Variants in MIER1 observed in about 807,000 individuals in gnomAD.
The protein encoded by MIER1 is mesoderm induction early response protein 1.
Under a neutral mutation model 75.7 loss-of-function variants are expected in MIER1, and 40 were observed. That is an observed-to-expected ratio of 0.53 (90% CI 0.41 to 0.69). The LOEUF is 0.69. MIER1 is among the 30% of genes least tolerant of loss of function. The pLI is 0.00. For missense variants in MIER1, 574 were observed against 680.2 expected (o/e 0.84, Z 1.74); for synonymous variants, 213 against 223.4 (o/e 0.95, Z 0.42).
chr1:66,930,795 T>C (rs183972623), intron 2 of MIER1, among the ~76,000 whole-genome samples: 2 of 152,262 alleles, frequency 1.3e-5, no homozygotes, highest in African/African-American at 2.4e-5. Flanking sequence ...GTTGCGCCCT[T>C]CCGCGTCACC....
Position 66,941,916 on chromosome 1 carries a change from C to T in MIER1, c.193+1864C>T, listed in dbSNP as rs534350437. Among the ~76,000 whole-genome samples the T allele has an allele frequency of 2.7e-5, 4 of 146,886 alleles. No homozygotes were observed. In the East Asian group the frequency reaches 8.1e-4, roughly 30 times the overall value. The stretch of plus-strand genomic sequence containing the variant: ...CCTGGGAGGTGAAGGTTGCAGTGAG[C>T]TGAGATCATGCCACTGCACTCCAGC... On this transcript the variant is annotated intron_variant, in intron 3 of 13. Transcript: ENST00000401041.
Position 66,986,151 on chromosome 1 carries a change from C to G in MIER1, c.*1251C>G. The G allele has an allele frequency of 8.5e-7, 1 of 1,174,512 alleles. No homozygotes were observed. Among genetic ancestry groups the G allele is most frequent in the South Asian group, 3.2e-5 (1 of 31,524 alleles). 72.8% of individuals were successfully genotyped at this position (1,174,512 alleles called of 1,614,324 possible). On this transcript the variant is annotated 3_prime_UTR_variant, in exon 14 of 14. Transcript: ENST00000401041. The stretch of plus-strand genomic sequence containing the variant: ...ATGAAGAGAAAGTGAAGTTTGAAAA[C>G]TTTTCAAACTTTTCTAGTTACAATC...
At position 66,985,016 on chromosome 1, in the gene MIER1, A is replaced by G; in HGVS notation, c.*116A>G. Reference sequence around the variant, plus strand: ...TGAAGCAGTTTGAAAATTTGAATTGAGTCTTAACTTTAGGAAATGAGGTTT... The same window carrying G: ...TGAAGCAGTTTGAAAATTTGAATTGGGTCTTAACTTTAGGAAATGAGGTTT... On this transcript the variant is annotated 3_prime_UTR_variant, in exon 14 of 14. Coordinates refer to ENST00000401041, the MANE Select transcript of MIER1 (RefSeq NM_001077700.3). The G allele has an allele frequency of 7.1e-7, 1 of 1,408,800 alleles. No individual in the cohort carries two copies. Among genetic ancestry groups the G allele is most frequent in the Non-Finnish European group, 9.2e-7 (1 of 1,081,440 alleles). The allele number at this position is 1,408,800 out of a possible 1,614,324, so 87.3% of individuals were successfully genotyped here. A position where few individuals can be genotyped will look rare whatever the true frequency, so the allele number is the denominator to read the frequency against.
At position 66,972,846 on chromosome 1, in the gene MIER1, G is replaced by T. The variant is rs1217957059; in HGVS notation, c.1007-51G>T. 3.3e-6 allele frequency: 3 copies of T among 912,280 alleles called. No homozygotes were observed. In the South Asian group the frequency reaches 4.4e-5, roughly 13 times the overall value. 56.5% of individuals were successfully genotyped at this position (912,280 alleles called of 1,614,324 possible). On this transcript the variant is annotated intron_variant, in intron 10 of 13. Coordinates refer to ENST00000401041, the MANE Select transcript of MIER1 (RefSeq NM_001077700.3). ...GTTTTCATTTGTAATTTTGTTATATGCAATAATTGGGGGAATATTGCTTAA... is the reference window on the plus strand; with the variant it reads ...GTTTTCATTTGTAATTTTGTTATATTCAATAATTGGGGGAATATTGCTTAA...
intron 3 of MIER1, among the ~76,000 whole-genome samples, chr1:66,943,448 T>C (rs1326094924): frequency 3.3e-5 from 5 of 152,214 alleles, no homozygotes; most frequent in African/African-American, 1.2e-4. Context: ...TATAATCTGG[T>C]ATAAGGTATC....
rs2102173074 is a variant in MIER1 at position 66,987,018 on chromosome 1, T to TA, written c.*2119dup. The TA allele has an allele frequency of 1.3e-5, 2 of 152,486 alleles. No individual in the cohort carries two copies. Among genetic ancestry groups the TA allele is most frequent in the Admixed American group, 1.3e-4 (2 of 15,300 alleles). 9.4% of individuals were successfully genotyped at this position (152,486 alleles called of 1,614,324 possible). On this transcript the variant is annotated 3_prime_UTR_variant, in exon 14 of 14. Coordinates refer to ENST00000401041, the MANE Select transcript of MIER1 (RefSeq NM_001077700.3). ...GGTTTGTGAAGTTCTTGCAAACTCT[T>TA]ACTACAGAAATGTTTTAAATACATT... is the stretch of plus-strand genomic sequence containing the variant.
chr1:66,982,382 G>T (rs1570552306), intron 13 of MIER1, among the ~76,000 whole-genome samples: 1 of 152,092 alleles, frequency 6.6e-6, no homozygotes. Context: ...GATAAAGCCG[G>T]TATCAACCTG....
At chr1:66,974,733 TTACTC>T (rs1388879352) in intron 11 of MIER1, among the ~76,000 whole-genome samples, 3 of 152,130 alleles carry the variant, frequency 2.0e-5, no homozygotes, top group East Asian at 1.9e-4. Flanking sequence ...ATACACTAAA[TTACTC>T]TAGTGCACAA....
intron 2 of MIER1, among the ~76,000 whole-genome samples, chr1:66,932,444 T>G (rs916172291): frequency 6.6e-6 from 1 of 152,180 alleles, no homozygotes; most frequent in Non-Finnish European, 1.5e-5. Context: ...AGAGGAACTT[T>G]CGTGATCTGT....
chr1:66,953,993 C>T (rs1659572157), intron 4 of MIER1, among the ~76,000 whole-genome samples: 1 of 152,038 alleles, frequency 6.6e-6, no homozygotes, highest in African/African-American at 2.4e-5. Context: ...TAAAAATAAA[C>T]TATTAGAAGG....
chr1:66,962,440 G>C (rs1030202003), intron 7 of MIER1, among the ~76,000 whole-genome samples: 1 of 152,152 alleles, frequency 6.6e-6, no homozygotes, highest in African/African-American at 2.4e-5. Flanking sequence ...ATCACCTAGA[G>C]AGCTTGTTAA....
intron 12 of MIER1, among the ~76,000 whole-genome samples, chr1:66,977,938 C>T (rs914472064): frequency 1.3e-5 from 2 of 152,068 alleles, no homozygotes; most frequent in Non-Finnish European, 2.9e-5. Flanking sequence ...GTGGCTCACT[C>T]CTGTAATCCC....
chr1:66,969,956 C>T (rs1182917406), intron 8 of MIER1, among the ~76,000 whole-genome samples: 1 of 152,162 alleles, frequency 6.6e-6, no homozygotes, highest in Non-Finnish European at 1.5e-5. Context: ...TTTTCATCCT[C>T]ATCACTCAAC....
At chr1:66,955,540 C>T (rs1397173385) in intron 4 of MIER1, among the ~76,000 whole-genome samples, 2 of 151,366 alleles carry the variant, frequency 1.3e-5, no homozygotes, top group Admixed American at 6.6e-5. Context: ...TTGGAGTGAA[C>T]GAAGTACCAT....
intron 11 of MIER1, among the ~76,000 whole-genome samples, chr1:66,975,224 T>G (rs1664460569): frequency 6.6e-6 from 1 of 152,158 alleles, no homozygotes. Context: ...AGACACTGGA[T>G]TTCCTTTTAA....
rs578118621 is a variant in MIER1, at chr1:66,971,586, CTT to C, written c.925-66_925-65del. On this transcript the variant is annotated intron_variant, in intron 9 of 13. Transcript: ENST00000401041. Reference sequence around the variant, plus strand: ...ATGAAAACACTGGATGTTTGAAAAACTTTTAAGAAATTGTAGCATTGAACTGT... The same window carrying C: ...ATGAAAACACTGGATGTTTGAAAAACTTAAGAAATTGTAGCATTGAACTGT... 5.3e-4 allele frequency: 422 copies of C among 801,600 alleles called. 3 individuals carry two copies. In the East Asian group the frequency reaches 0.011, roughly 22 times the overall value. 49.7% of individuals were successfully genotyped at this position (801,600 alleles called of 1,614,324 possible).
At chr1:66,949,865 G>A (rs1307943555) in intron 4 of MIER1, among the ~76,000 whole-genome samples, 1 of 152,134 alleles carries the variant, frequency 6.6e-6, no homozygotes, top group Non-Finnish European at 1.5e-5. Flanking sequence ...ATTCATTCAG[G>A]AAATATCAAT....
chr1:66,945,295 AT>A lies in MIER1; in HGVS notation c.194-854del, dbSNP rs1558041973. On this transcript the variant is annotated intron_variant, in intron 3 of 13. Coordinates refer to ENST00000401041, the MANE Select transcript of MIER1 (RefSeq NM_001077700.3). ...TATATATATATATATATATATATAT[AT>A]ATATATATATATATATATATAAAAT... Among the ~76,000 whole-genome samples, 75 of 25,404 alleles carry A rather than the reference AT, an allele frequency of 3.0e-3. 1 individual carries two copies. The highest frequency in any genetic ancestry group is 4.5e-3 in the African/African-American group (72 of 16,006). 16.7% of individuals were successfully genotyped at this position (25,404 alleles called of 152,430 possible). A position where few individuals can be genotyped will look rare whatever the true frequency, so the allele number is the denominator to read the frequency against.
rs532626356 is a variant in MIER1 at position 66,941,781 on chromosome 1, G to A, written c.193+1729G>A. The stretch of plus-strand genomic sequence containing the variant: ...AGGTCAGGAGTTTGAGACTAGCCTG[G>A]CCAACATGGTGAAATCTCGTCTCTT... On this transcript the variant is annotated intron_variant, in intron 3 of 13. Transcript: ENST00000401041. Among the ~76,000 whole-genome samples, 187 of 152,150 alleles carry A rather than the reference G, an allele frequency of 1.2e-3. 1 individual carries two copies. Among genetic ancestry groups the A allele is most frequent in the Non-Finnish European group, 2.2e-3 (148 of 67,994 alleles).
Sources: gnomAD v4.1 joint callset for allele counts (sites outside exome capture counted in the v4.1 genomes callset) on GRCh38, gnomAD v4.1.1 for gene constraint, MANE v1.5 for transcripts, NCBI Gene and HGNC (gene_info 2026-07-23, HGNC 2026-07-21) for gene names.